Variants in SLC1A6 observed in about 807,000 individuals in gnomAD.
The protein encoded by SLC1A6 is solute carrier family 1 member 6, also known as excitatory amino acid transporter 4.
In SLC1A6, 15 loss-of-function variants were observed where a neutral mutation model predicts 42.1. That is an observed-to-expected ratio of 0.36 (90% confidence interval 0.24 to 0.55). The LOEUF (loss-of-function observed/expected upper bound fraction) is 0.55, where lower values mean the gene tolerates loss of function less well. Ranked by LOEUF, SLC1A6 falls within the 20% of genes least tolerant of loss-of-function variation. SLC1A6 has a pLI of 0.88. For synonymous variants in SLC1A6, 317 were observed against 319.7 expected, an observed-to-expected ratio of 0.99 and a Z score of 0.09; for missense variants, 542 against 772.5, an observed-to-expected ratio of 0.70 and a Z score of 3.54.
intron 6 of SLC1A6, among the ~76,000 whole-genome samples, chr19:14,960,930 CTTT>C (rs58843508): frequency 7.2e-6 from 1 of 138,690 alleles, no homozygotes; most frequent in East Asian, 2.1e-4. Flanking sequence ...TGGTCTCTCC[CTTT>C]TTTTTTTTTT....
upstream of SLC1A6, among the ~76,000 whole-genome samples, chr19:14,981,920 C>G (rs756821947): frequency 6.6e-6 from 1 of 152,094 alleles, no homozygotes; most frequent in Admixed American, 6.6e-5. Context: ...CCCAGATACT[C>G]AGGAGGCTGA....
chr19:14,950,425 GGGCTTGAAA>G, intron 9 of SLC1A6, 35 bp from the exon 10 acceptor site: 1 of 1,468,538 alleles, frequency 6.8e-7, no homozygotes, highest in Non-Finnish European at 9.2e-7. Flanking sequence ...CCATTAATGG[GGGCTTGAAA>G]AGCTTCACAG....
At chr19:14,991,109 A>G (rs1222357319) in intron 1 of SLC1A6, among the ~76,000 whole-genome samples, 2 of 152,232 alleles carry the variant, frequency 1.3e-5, no homozygotes, top group African/African-American at 2.4e-5. Context: ...GAAGCCGGAT[A>G]CAAAAGGCCA....
At chr19:14,954,532 G>T (rs2045443955) in intron 7 of SLC1A6, among the ~76,000 whole-genome samples, 1 of 152,080 alleles carries the variant, frequency 6.6e-6, no homozygotes, top group African/African-American at 2.4e-5. Context: ...GGAGGAGTAG[G>T]TGAGGCGGGG....
At chr19:14,983,043 C>T (rs1394068838), upstream of SLC1A6, among the ~76,000 whole-genome samples, 2 of 152,152 alleles carry the variant, frequency 1.3e-5, no homozygotes, top group East Asian at 1.9e-4. Flanking sequence ...TCATTATTCA[C>T]GGATTCTGTA....
intron 3 of SLC1A6, among the ~76,000 whole-genome samples, chr19:14,969,735 C>CCAGG (rs1214428781): frequency 6.6e-6 from 1 of 152,224 alleles, no homozygotes; most frequent in Non-Finnish European, 1.5e-5. Flanking sequence ...ATCCCCAAAT[C>CCAGG]CAGGGATTGG....
Position 14,950,341 on chromosome 19 carries a change from C to T in SLC1A6, c.1549G>A (p.Ala517Thr). The change falls in exon 10 of 10, where the codon GCC becomes ACC. Residue 517 changes from alanine (A) to threonine (T), a missense_variant. Physicochemically the swap from Ala to Thr is moderately conservative, Grantham distance 58. Coordinates refer to ENST00000594383, the MANE Select transcript of SLC1A6 (RefSeq NM_005071.3). ...CGCTGAGACAAGTGCTCGATGACGG[C>T]CGCTCCAATTGAGTCCCCCAGTACG... ...TNVLGDSIGA[A>T]VIEHLSQREL... The T allele has an allele frequency of 6.2e-7, 1 of 1,609,764 alleles. No individual in the cohort carries two copies. The highest frequency in any genetic ancestry group is 2.2e-5 in the East Asian group (1 of 44,672).
chr19:14,958,246 A>G (rs1003394479), intron 6 of SLC1A6, among the ~76,000 whole-genome samples: 1 of 152,020 alleles, frequency 6.6e-6, no homozygotes, highest in Non-Finnish European at 1.5e-5. Context: ...TCCCATCTCT[A>G]TTAAAAATAA....
intron 1 of SLC1A6, chr19:14,978,342 G>A (rs1337211338): frequency 1.3e-5 from 2 of 152,228 alleles, no homozygotes; most frequent in Non-Finnish European, 2.9e-5. Flanking sequence ...TCAATGCTAT[G>A]CTAGCCAGAG....
chr19:14,997,812 C>T (rs982021621), intron 1 of SLC1A6, among the ~76,000 whole-genome samples: 2 of 152,156 alleles, frequency 1.3e-5, no homozygotes, highest in Non-Finnish European at 1.5e-5. Flanking sequence ...AGTCTGAAAT[C>T]AAGGTGTTGG....
chr19:14,976,316 A>T (rs1440104628), intron 1 of SLC1A6, among the ~76,000 whole-genome samples: 2 of 152,262 alleles, frequency 1.3e-5, no homozygotes, highest in Non-Finnish European at 2.9e-5. Context: ...TGTGATATAG[A>T]TAAGTTTATC....
intron 1 of SLC1A6, among the ~76,000 whole-genome samples, chr19:14,988,059 A>G (rs8107379): frequency 0.71 from 108,403 of 152,088 alleles, 39,194 homozygotes; most frequent in African/African-American, 0.85. Context: ...TGTAATCCCA[A>G]CTACTCAGGA....
At chr19:14,965,088 C>T (rs192706837) in intron 4 of SLC1A6, among the ~76,000 whole-genome samples, 7 of 151,200 alleles carry the variant, frequency 4.6e-5, no homozygotes, top group East Asian at 1.9e-4. Context: ...GGTGCGATCT[C>T]GGCTCACTGC....
In SLC1A6 at chr19:14,954,123, A is replaced by C. The variant is rs1283899008; in HGVS notation, c.1364+12T>G. 1 of 1,560,150 alleles carries C rather than the reference A, an allele frequency of 6.4e-7. No individual in the cohort carries two copies. Among genetic ancestry groups the C allele is most frequent in the Non-Finnish European group, 8.7e-7 (1 of 1,149,822 alleles). ...TCTCACCTGCTGGCAGGTCCTACCC[A>C]AGCCCCCTCACCTGATGGTTGTGAT... is the stretch of plus-strand genomic sequence containing the variant. On this transcript the variant is annotated intron_variant, in intron 8 of 9. Transcript: ENST00000594383.
chr19:15,010,013 A>G (rs1470811156), intron 1 of SLC1A6, among the ~76,000 whole-genome samples: 1 of 44,564 alleles, frequency 2.2e-5, no homozygotes, highest in Admixed American at 2.4e-4. Context: ...CCCCGTCTCT[A>G]CTAAAAAAAA....
chr19:14,956,863 C>G (rs1209633986), intron 6 of SLC1A6, among the ~76,000 whole-genome samples, 154 bp from the exon 7 acceptor site: 1 of 152,114 alleles, frequency 6.6e-6, no homozygotes, highest in African/African-American at 2.4e-5. Context: ...TCCCCGTACA[C>G]TAATGAATGC....
intron 1 of SLC1A6, among the ~76,000 whole-genome samples, chr19:15,000,945 G>A (rs984920238): frequency 9.9e-5 from 15 of 152,172 alleles, no homozygotes; most frequent in Non-Finnish European, 2.1e-4. Context: ...CAGTAGATAA[G>A]CCCTTTCAAC....
At position 14,973,893 on chromosome 19, in the gene SLC1A6, G is replaced by A. The variant is rs2045673657; in HGVS notation, c.-7-976C>T. ...AGCAACAGGGAGAGCGGGGAGTCAGGAGAGCGGGGAGTCCCTTGGGAATGA... is the reference window on the plus strand; with the variant it reads ...AGCAACAGGGAGAGCGGGGAGTCAGAAGAGCGGGGAGTCCCTTGGGAATGA... On this transcript the variant is annotated intron_variant, in intron 1 of 9. Transcript: ENST00000594383. 2 of 152,324 alleles carry A rather than the reference G, an allele frequency of 1.3e-5. 1 individual carries two copies. The highest frequency in any genetic ancestry group is 4.1e-4 in the South Asian group (2 of 4,830). The allele number at this position is 152,324 out of a possible 1,614,324, so 9.4% of individuals were successfully genotyped here.
chr19:14,960,395 G>A (rs536718849), intron 6 of SLC1A6, among the ~76,000 whole-genome samples: 9 of 152,266 alleles, frequency 5.9e-5, no homozygotes, highest in African/African-American at 1.4e-4. Context: ...ATAAATTTAC[G>A]AGTGAATGAA....
Sources: allele counts gnomAD v4.1 joint callset (sites outside exome capture counted in the v4.1 genomes callset), GRCh38; gene constraint gnomAD v4.1.1; transcripts MANE v1.5; gene names NCBI Gene and HGNC (gene_info 2026-07-23, HGNC 2026-07-21).